The following EPG5 variants were observed in gnomAD, a reference collection of about 807,000 sequenced individuals.
EPG5 encodes the protein ectopic P-granules 5 autophagy tethering factor.
Under a neutral mutation model 302.7 loss-of-function variants are expected in EPG5, and 159 were observed. The observed-to-expected ratio is 0.53, with a 90% CI of 0.46 to 0.60. The LOEUF (loss-of-function observed/expected upper bound fraction) is 0.60, where lower values mean the gene tolerates loss of function less well. EPG5 is among the 20% of genes least tolerant of loss of function. EPG5 has a pLI of 0.00. For missense variants in EPG5, 2,896 were observed against 3,092.4 expected, an observed-to-expected ratio of 0.94 and a Z score of 1.51; for synonymous variants, 1,158 against 1,136.8, an observed-to-expected ratio of 1.02 and a Z score of -0.37.
intron 27 of EPG5, among the ~76,000 whole-genome samples, chr18:45,892,454 C>G (rs558800316): frequency 5.3e-5 from 8 of 152,188 alleles, no homozygotes; most frequent in Non-Finnish European, 1.2e-4. Flanking sequence ...AAAAGTTGGA[C>G]AAAGCATGTC....
At chr18:45,822,320 G>T in the EPG5 span, among the ~76,000 whole-genome samples, 3 of 152,102 alleles carry the variant, frequency 2.0e-5, no homozygotes, top group Admixed American at 6.5e-5. Flanking sequence ...ATTCTCACTC[G>T]TATGCAGAAG....
At chr18:45,830,583 CTTTT>C in the EPG5 span, among the ~76,000 whole-genome samples, 1 of 96,702 alleles carries the variant, frequency 1.0e-5, no homozygotes. Context: ...ATTTTTCTTT[CTTTT>C]TTTTTTTTTT....
intron 43 of EPG5, among the ~76,000 whole-genome samples, chr18:45,854,939 C>T (rs2048483495): frequency 1.3e-5 from 2 of 152,142 alleles, no homozygotes; most frequent in South Asian, 2.1e-4. Context: ...TAATATTGGT[C>T]GAGTTAAAAC....
At position 45,930,757 on chromosome 18, in the gene EPG5, A is replaced by G. The variant is rs1248278571; in HGVS notation, c.2331T>C (p.Thr777=). The change falls in exon 12 of 44, where the codon ACT becomes ACC. Residue 777 remains threonine (T), a synonymous_variant. Coordinates refer to ENST00000282041, the MANE Select transcript of EPG5 (RefSeq NM_020964.3). Reference sequence around the variant, plus strand: ...TGGCCTGAGCCATCTGAGCAAAGGTAGTCAGAAGGCAAATCTCTTCTGAGC... The same window carrying G: ...TGGCCTGAGCCATCTGAGCAAAGGTGGTCAGAAGGCAAATCTCTTCTGAGC... ...MNSSEEICLL[T]TFAQMAQARR... 1 of 1,612,008 alleles carries G rather than the reference A, an allele frequency of 6.2e-7. No individual in the cohort carries two copies. The highest frequency in any genetic ancestry group is 1.3e-5 in the African/African-American group (1 of 74,940).
At chr18:45,866,589 G>A (rs1298077069) in intron 38 of EPG5, among the ~76,000 whole-genome samples, 5 of 152,064 alleles carry the variant, frequency 3.3e-5, no homozygotes, top group Non-Finnish European at 1.5e-5. Context: ...ACCTTTCATC[G>A]ACATGTGACA....
At chr18:45,869,557 C>G (rs932877330) in intron 36 of EPG5, among the ~76,000 whole-genome samples, 3 of 152,172 alleles carry the variant, frequency 2.0e-5, no homozygotes, top group Admixed American at 6.5e-5. Context: ...AAAACTCCAT[C>G]TTATAGTTCT....
chr18:45,903,208 T>G (rs2049662777), intron 25 of EPG5, among the ~76,000 whole-genome samples: 1 of 152,068 alleles, frequency 6.6e-6, no homozygotes, highest in South Asian at 2.1e-4. Flanking sequence ...TATACCTTTC[T>G]ATATCATTTA....
chr18:45,905,401 C>T (rs796239545), intron 24 of EPG5, among the ~76,000 whole-genome samples: 18 of 152,126 alleles, frequency 1.2e-4, no homozygotes, highest in African/African-American at 4.3e-4. Flanking sequence ...ATTTCCAAAC[C>T]AACCTCACAG....
chr18:45,946,295 C>T (rs1568179350), intron 7 of EPG5, among the ~76,000 whole-genome samples: 1 of 152,128 alleles, frequency 6.6e-6, no homozygotes. Context: ...GGCTCCAACC[C>T]CAGCAACTTG....
chr18:45,943,423 T>A, intron 8 of EPG5, 112 bp from the exon 9 acceptor site: 1 of 859,882 alleles, frequency 1.2e-6, no homozygotes, highest in Non-Finnish European at 1.8e-6. Context: ...GGAGAAGAAC[T>A]GACAGTCTCA....
At chr18:45,818,552 A>G in the EPG5 span, among the ~76,000 whole-genome samples, 1 of 152,094 alleles carries the variant, frequency 6.6e-6, no homozygotes, top group Non-Finnish European at 1.5e-5. Flanking sequence ...TGAATTTGCA[A>G]TTCTTTAGTT....
At chr18:45,907,921 A>T (rs1260832947) in intron 24 of EPG5, 37 bp downstream of exon 24, 3 of 40,590 alleles carry the variant, frequency 7.4e-5, no homozygotes, top group South Asian at 5.1e-4. Context: ...CAGATATGCT[A>T]AAAAAAAAAA....
At chr18:45,943,071 C>T (rs2145905402) in intron 9 of EPG5, 90 bp downstream of exon 9, 1 of 1,298,498 alleles carries the variant, frequency 7.7e-7, no homozygotes, top group East Asian at 2.4e-5. Flanking sequence ...CTGAGGTTTA[C>T]AACTAAAACG....
intron 27 of EPG5, among the ~76,000 whole-genome samples, chr18:45,891,498 CAAAAAA>C (rs763632848): frequency 6.0e-5 from 3 of 50,358 alleles, no homozygotes; most frequent in Non-Finnish European, 1.4e-4. Flanking sequence ...GACTCCGTCT[CAAAAAA>C]AAAAAAAAAA....
At chr18:45,948,927 G>A (rs2050844518) in intron 5 of EPG5, among the ~76,000 whole-genome samples, 1 of 152,202 alleles carries the variant, frequency 6.6e-6, no homozygotes, top group Non-Finnish European at 1.5e-5. Flanking sequence ...AGAAAAGGAG[G>A]TGTGGAGAAG....
Position 45,937,277 on chromosome 18 carries a change from CAT to C in EPG5, c.2100-2313_2100-2312del, listed in dbSNP as rs1469273283. Among the ~76,000 whole-genome samples the C allele has an allele frequency of 4.6e-3, 530 of 116,136 alleles. 4 individuals carry two copies. The highest frequency in any genetic ancestry group is 0.015 in the African/African-American group (434 of 29,306). The allele number at this position is 116,136 out of a possible 152,430, so 76.2% of individuals were successfully genotyped here. The stretch of plus-strand genomic sequence containing the variant: ...ACACACACACACACACACACACACA[CAT>C]ATGTATACACACACATACACGTATA... On this transcript the variant is annotated intron_variant, in intron 10 of 43. Coordinates refer to ENST00000282041, the MANE Select transcript of EPG5 (RefSeq NM_020964.3).
intron 42 of EPG5, 48 bp from the exon 43 acceptor site, chr18:45,855,735 A>G: frequency 8.1e-7 from 1 of 1,227,630 alleles, no homozygotes; most frequent in Non-Finnish European, 1.2e-6. Context: ...TATTAAAGTA[A>G]GCATTTTGAA....
the EPG5 span, among the ~76,000 whole-genome samples, chr18:45,816,010 G>A: frequency 6.6e-6 from 1 of 152,096 alleles, no homozygotes; most frequent in Admixed American, 6.6e-5. Flanking sequence ...CCTGATCCCT[G>A]ACAAAGCAAA....
the EPG5 span, among the ~76,000 whole-genome samples, chr18:45,839,642 G>C: frequency 6.6e-6 from 1 of 152,178 alleles, no homozygotes; most frequent in African/African-American, 2.4e-5. Context: ...TCTGGAGAAG[G>C]CTTCACACAA....
Sources: allele counts gnomAD v4.1 joint callset (sites outside exome capture counted in the v4.1 genomes callset), GRCh38; gene constraint gnomAD v4.1.1; transcripts MANE v1.5; gene names NCBI Gene and HGNC (gene_info 2026-07-23, HGNC 2026-07-21).